DYRK1A: variants seen among roughly 807,000 people sequenced by gnomAD.
DYRK1A encodes dual specificity tyrosine-phosphorylation-regulated kinase 1A.
In DYRK1A, 9 loss-of-function variants were observed where a neutral mutation model predicts 79.7. The ratio of observed to expected loss-of-function variants is 0.11; its 90% CI spans 0.07 to 0.20. The LOEUF (loss-of-function observed/expected upper bound fraction) is 0.20, where lower values mean the gene tolerates loss of function less well. DYRK1A is among the 10% of genes least tolerant of loss of function. The pLI, the probability that DYRK1A is intolerant of heterozygous loss-of-function variation, is 1.00. For missense variants in DYRK1A, 622 were observed against 956.0 expected (o/e 0.65, Z 4.61); for synonymous variants, 349 against 329.7 (o/e 1.06, Z -0.63).
At chr21:37,368,135 C>A in intron 1 of DYRK1A, 1 of 153,148 alleles carries the variant, frequency 6.5e-6, no homozygotes, top group South Asian at 1.9e-4. Flanking sequence ...CGGCGAAGGT[C>A]GGGAGCCGCT....
At chr21:37,400,596 T>C (rs1196216764) in intron 1 of DYRK1A, among the ~76,000 whole-genome samples, 4 of 152,210 alleles carry the variant, frequency 2.6e-5, no homozygotes, top group African/African-American at 9.6e-5. Flanking sequence ...ACCTAATCTG[T>C]TTTTTATAAC....
intron 1 of DYRK1A, among the ~76,000 whole-genome samples, chr21:37,398,136 A>G (rs1445040854): frequency 6.7e-6 from 1 of 148,198 alleles, no homozygotes; most frequent in African/African-American, 2.5e-5. Flanking sequence ...ATATGTGTAT[A>G]TATATATATT....
intron 1 of DYRK1A, among the ~76,000 whole-genome samples, chr21:37,416,467 AAG>A (rs1677127507): frequency 6.6e-6 from 1 of 151,882 alleles, no homozygotes; most frequent in African/African-American, 2.4e-5. Flanking sequence ...TATTGGAAAT[AAG>A]AGATTTTTTT....
chr21:37,506,653 T>C (rs1434917078), intron 11 of DYRK1A, among the ~76,000 whole-genome samples: 2 of 152,248 alleles, frequency 1.3e-5, no homozygotes, highest in Admixed American at 1.3e-4. Context: ...ATTTCTGATT[T>C]GATTTTAGCC....
chr21:37,396,977 C>G (rs1168167874), intron 1 of DYRK1A, among the ~76,000 whole-genome samples: 1 of 152,130 alleles, frequency 6.6e-6, no homozygotes, highest in East Asian at 1.9e-4. Flanking sequence ...TTTTTTCCGT[C>G]TTGTTCCTCT....
At position 37,367,082 on chromosome 21, in the gene DYRK1A, TGTGTGCGAGGGAGC is replaced by T. The variant is rs1228901832; in HGVS notation, c.-611_-598del. ...GGCGGGACCGGTGTGAGTGCGAGTGTGTGTGCGAGGGAGCGTGTGCGAGGGCGATTGTGCGCGCG... is the reference window on the plus strand; with the variant it reads ...GGCGGGACCGGTGTGAGTGCGAGTGTGTGTGCGAGGGCGATTGTGCGCGCG... On this transcript the variant is annotated 5_prime_UTR_variant, in exon 1 of 12. Transcript: ENST00000647188. 72 of 154,804 alleles carry T rather than the reference TGTGTGCGAGGGAGC, an allele frequency of 4.7e-4. No individual in the cohort carries two copies. Among genetic ancestry groups the T allele is most frequent in the Non-Finnish European group, 7.9e-4 (55 of 69,788 alleles). 9.6% of individuals were successfully genotyped at this position (154,804 alleles called of 1,614,324 possible).
At chr21:37,384,376 T>G (rs980729308) in intron 1 of DYRK1A, among the ~76,000 whole-genome samples, 1 of 152,164 alleles carries the variant, frequency 6.6e-6, no homozygotes, top group Non-Finnish European at 1.5e-5. Flanking sequence ...GAGAATTATT[T>G]GAGTACCTTG....
intron 9 of DYRK1A, among the ~76,000 whole-genome samples, chr21:37,499,116 T>G (rs181514900): frequency 9.1e-4 from 138 of 152,310 alleles, no homozygotes; most frequent in African/African-American, 3.2e-3. Flanking sequence ...GTTTTAATAT[T>G]GATGAAGTTG....
chr21:37,525,693 A>T lies in DYRK1A; in HGVS notation c.*13162A>T, dbSNP rs2053963376. 1 of 152,256 alleles carries T rather than the reference A, an allele frequency of 6.6e-6. No homozygotes were observed. The highest frequency in any genetic ancestry group is 2.4e-5 in the African/African-American group (1 of 41,468). The allele number at this position is 152,256 out of a possible 1,614,324, so 9.4% of individuals were successfully genotyped here. A position where few individuals can be genotyped will look rare whatever the true frequency, so the allele number is the denominator to read the frequency against. Reference sequence around the variant, plus strand: ...TATTTGAATCTATCATGCATTATTGAACCAGTATTGTCAATAGTGAACTTC... The same window carrying T: ...TATTTGAATCTATCATGCATTATTGTACCAGTATTGTCAATAGTGAACTTC... On this transcript the variant is annotated 3_prime_UTR_variant, in exon 12 of 12. Coordinates refer to ENST00000647188, the MANE Select transcript of DYRK1A (RefSeq NM_001347721.2).
At chr21:37,371,409 A>G (rs1169458204) in intron 1 of DYRK1A, among the ~76,000 whole-genome samples, 2 of 152,244 alleles carry the variant, frequency 1.3e-5, no homozygotes, top group African/African-American at 4.8e-5. Flanking sequence ...TAAAAAGTTA[A>G]GCTTTTGCTT....
rs267606123 is a variant in DYRK1A at position 37,512,275 on chromosome 21, C to T, written c.2009C>T (p.Ala670Val). 2 of 1,614,248 alleles carry T rather than the reference C, an allele frequency of 1.2e-6. No individual in the cohort carries two copies. The highest frequency in any genetic ancestry group is 1.7e-6 in the Non-Finnish European group (2 of 1,180,038). Residue 670 changes from alanine (A) to valine (V), a missense_variant, in exon 12 of 12, where the codon GCC becomes GTC. Physicochemically the swap from Ala to Val is moderately conservative, Grantham distance 64. Around this residue, in one of 5 missense-constraint regions of DYRK1A, gnomAD observed 292 missense variants for 316.7 expected, o/e 0.92. Coordinates refer to ENST00000647188, the MANE Select transcript of DYRK1A (RefSeq NM_001347721.2). ...TCTACTGGTAACCAAGGCAATCAGG[C>T]CTACCAGAATCGCCCAGTGGCTGCT... ...SSSTGNQGNQAYQNRPVAANT... is the reference protein window; with the variant it reads ...SSSTGNQGNQVYQNRPVAANT...
At chr21:37,453,965 AATTAT>A (rs2051545508) in intron 2 of DYRK1A, among the ~76,000 whole-genome samples, 1 of 151,992 alleles carries the variant, frequency 6.6e-6, no homozygotes, top group Admixed American at 6.6e-5. Flanking sequence ...GAGTTGTATA[AATTAT>A]ATATTTTGCA....
At position 37,383,832 on chromosome 21, in the gene DYRK1A, G is replaced by GGT. The variant is rs534518893; in HGVS notation, c.-77+16207_-77+16208dup. Among the ~76,000 whole-genome samples the GGT allele has an allele frequency of 2.9e-3, 331 of 115,528 alleles. 2 individuals are homozygous for GGT. Among genetic ancestry groups the GGT allele is most frequent in the East Asian group, 0.025 (95 of 3,854 alleles). 75.8% of individuals were successfully genotyped at this position (115,528 alleles called of 152,430 possible). On this transcript the variant is annotated intron_variant, in intron 1 of 11. Coordinates refer to ENST00000647188, the MANE Select transcript of DYRK1A (RefSeq NM_001347721.2). ...AAGATGGGGTGATGTGATAGGTAAT[G>GGT]GTGTATGTGTGTGTGTGTGTGTGTG... is the stretch of plus-strand genomic sequence containing the variant.
chr21:37,452,224 A>C (rs2051476719), intron 2 of DYRK1A, among the ~76,000 whole-genome samples: 1 of 151,072 alleles, frequency 6.6e-6, no homozygotes, highest in African/African-American at 2.4e-5. Flanking sequence ...CTGGATAAGG[A>C]GCAGTTATTG....
chr21:37,425,798 G>C (rs1300715174), intron 2 of DYRK1A: 1 of 152,242 alleles, frequency 6.6e-6, no homozygotes, highest in Admixed American at 6.5e-5. Context: ...AGGTGAGAGT[G>C]AATGTTGATA....
At chr21:37,376,235 C>T (rs909165467) in intron 1 of DYRK1A, among the ~76,000 whole-genome samples, 7 of 152,108 alleles carry the variant, frequency 4.6e-5, no homozygotes, top group East Asian at 3.9e-4. Flanking sequence ...TTAGGCCAGG[C>T]GCAGTGGCTC....
rs1224161500 is a variant in DYRK1A at position 37,512,958 on chromosome 21, CTTTT to C, written c.*433_*436del. ...TTTTCTTTTTGTCCCCCCCATCCCCCTTTTTTTTTGTTTTGTTCTGTTTTGTTTT... is the reference window on the plus strand; with the variant it reads ...TTTTCTTTTTGTCCCCCCCATCCCCCTTTTTGTTTTGTTCTGTTTTGTTTT... On this transcript the variant is annotated 3_prime_UTR_variant, in exon 12 of 12. Transcript: ENST00000647188. 9.2e-5 allele frequency: 4 copies of C among 43,642 alleles called. No homozygotes were observed. Among genetic ancestry groups the C allele is most frequent in the African/African-American group, 3.5e-4 (4 of 11,326 alleles). The allele number at this position is 43,642 out of a possible 1,614,324, so 2.7% of individuals were successfully genotyped here.
chr21:37,475,247 T>TG (rs2052355606), intron 3 of DYRK1A, among the ~76,000 whole-genome samples: 2 of 152,194 alleles, frequency 1.3e-5, no homozygotes. Context: ...TTACTTGCCT[T>TG]GCAAAAGGGG....
chr21:37,520,954 G>A lies in DYRK1A; in HGVS notation c.*8423G>A, dbSNP rs1445530849. On this transcript the variant is annotated 3_prime_UTR_variant, in exon 12 of 12. Transcript: ENST00000647188. ...TACATGGGATTCTTACCTTCTGACTGGAGTGTCACCCTCGCCCAGGAATGT... is the reference window on the plus strand; with the variant it reads ...TACATGGGATTCTTACCTTCTGACTAGAGTGTCACCCTCGCCCAGGAATGT... The A allele has an allele frequency of 3.9e-5, 6 of 152,398 alleles. No individual in the cohort carries two copies. Among genetic ancestry groups the A allele is most frequent in the Admixed American group, 2.0e-4 (3 of 15,308 alleles). The allele number at this position is 152,398 out of a possible 1,614,324, so 9.4% of individuals were successfully genotyped here. A position where few individuals can be genotyped will look rare whatever the true frequency, so the allele number is the denominator to read the frequency against.
Sources: gnomAD v4.1 joint callset for allele counts (sites outside exome capture counted in the v4.1 genomes callset) on GRCh38, gnomAD v4.1.1 for gene constraint, gnomAD v4.1.1 regional missense constraint, MANE v1.5 for transcripts, NCBI Gene and HGNC (gene_info 2026-07-23, HGNC 2026-07-21) for gene names.